Variants in CADM3 observed in about 807,000 individuals in gnomAD.
The protein encoded by CADM3 is cell adhesion molecule 3.
In CADM3, 11 loss-of-function variants were observed where a neutral mutation model predicts 44.9. The ratio of observed to expected loss-of-function variants is 0.25; its 90% CI spans 0.15 to 0.41. The LOEUF is 0.41. CADM3 is among the 10% of genes least tolerant of loss of function. The probability of loss-of-function intolerance (pLI) is 1.00; values close to 1 mark genes in which losing one functional copy is unlikely to be tolerated. For synonymous variants in CADM3, 207 were observed against 205.2 expected (o/e 1.01, Z -0.08); for missense variants, 426 against 512.0 (o/e 0.83, Z 1.62).
In CADM3 at chr1:159,193,966, G is replaced by T; in HGVS notation, c.617G>T (p.Ser206Ile). The T allele has an allele frequency of 1.2e-6, 2 of 1,614,164 alleles. No individual in the cohort carries two copies. Among genetic ancestry groups the T allele is most frequent in the Non-Finnish European group, 1.7e-6 (2 of 1,180,042 alleles). ...FQVTREDDGA[S>I]IVCSVNHESL... is the part of the protein sequence containing the mutation. ...GTTACCCGGGAGGATGATGGGGCGAGCATCGTGTGCTCTGTGAACCATGAA... is the reference window on the plus strand; with the variant it reads ...GTTACCCGGGAGGATGATGGGGCGATCATCGTGTGCTCTGTGAACCATGAA... Residue 206 changes from serine to isoleucine, a missense_variant, in exon 5 of 9, where the codon AGC becomes ATC. Physicochemically the swap from Ser to Ile is moderately radical, Grantham distance 142. Coordinates refer to ENST00000368125, the MANE Select transcript of CADM3 (RefSeq NM_001127173.3).
rs556018084 is a variant in CADM3 at position 159,201,149 on chromosome 1, T to C, written c.*227T>C. On this transcript the variant is annotated 3_prime_UTR_variant, in exon 9 of 9. Transcript: ENST00000368125. ...GGAGGGTTGCCCTCAGCCCTTTCCG[T>C]GGCTTCTCTGCATTTGGGTTATTAT... is the stretch of plus-strand genomic sequence containing the variant. 54 of 289,928 alleles carry C rather than the reference T, an allele frequency of 1.9e-4. 1 individual carries two copies. In the East Asian group the frequency reaches 3.1e-3, roughly 17 times the overall value. The allele number at this position is 289,928 out of a possible 1,614,324, so 18.0% of individuals were successfully genotyped here.
At chr1:159,191,791 TC>T in intron 1 of CADM3, 144 bp from the exon 2 acceptor site, 1 of 860,516 alleles carries the variant, frequency 1.2e-6, no homozygotes, top group Non-Finnish European at 1.8e-6. Flanking sequence ...CTCTTTTCCT[TC>T]CCCCATGAAA....
intron 1 of CADM3, among the ~76,000 whole-genome samples, chr1:159,185,590 T>C (rs577474084): frequency 6.6e-6 from 1 of 152,200 alleles, no homozygotes; most frequent in Non-Finnish European, 1.5e-5. Flanking sequence ...TATTAAAAGG[T>C]TGTTCTGGAA....
intron 5 of CADM3, chr1:159,195,579 A>G (rs1021356768): frequency 3.9e-5 from 6 of 152,278 alleles, no homozygotes; most frequent in Admixed American, 3.3e-4. Context: ...TTCTATGGCC[A>G]TGGGGTCCCA....
chr1:159,179,463 G>T (rs56184975), intron 1 of CADM3, among the ~76,000 whole-genome samples: 9,695 of 152,096 alleles, frequency 0.064, 405 homozygotes, highest in Middle Eastern at 0.1. Context: ...GCTCTAGAGA[G>T]AAAAAAGAAA....
chr1:159,184,254 C>A (rs1299692404), intron 1 of CADM3, among the ~76,000 whole-genome samples: 3 of 152,190 alleles, frequency 2.0e-5, no homozygotes, highest in Non-Finnish European at 4.4e-5. Context: ...AGGAGCCCAG[C>A]AATGGATGTA....
chr1:159,189,494 G>A (rs1312411412), intron 1 of CADM3, among the ~76,000 whole-genome samples: 1 of 152,160 alleles, frequency 6.6e-6, no homozygotes, highest in Non-Finnish European at 1.5e-5. Flanking sequence ...TAGACTGGAT[G>A]AACTCTTAAG....
chr1:159,202,976 T>TA lies in CADM3; in HGVS notation c.*2055dup, dbSNP rs1444509922. On this transcript the variant is annotated 3_prime_UTR_variant, in exon 9 of 9. Transcript: ENST00000368125. ...CCATATTACACAGAAGCCATATTTGTACGGGGGGGTGGGAGGGAGAGGGGC... is the reference window on the plus strand; with the variant it reads ...CCATATTACACAGAAGCCATATTTGTAACGGGGGGGTGGGAGGGAGAGGGGC... 2 of 51,674 alleles carry TA rather than the reference T, an allele frequency of 3.9e-5. No individual in the cohort carries two copies. Among genetic ancestry groups the TA allele is most frequent in the African/African-American group, 1.6e-4 (2 of 12,440 alleles). 3.2% of individuals were successfully genotyped at this position (51,674 alleles called of 1,614,324 possible). A position where few individuals can be genotyped will look rare whatever the true frequency, so the allele number is the denominator to read the frequency against.
rs777170455 is a variant in CADM3, at chr1:159,192,571, TC to T, written c.230-3del. 2.5e-6 allele frequency: 4 copies of T among 1,614,150 alleles called. No homozygotes were observed. The highest frequency in any genetic ancestry group is 3.4e-6 in the Non-Finnish European group (4 of 1,180,018). ...ATCCTAGCTTTCCATTCTCTTGATT[TC>T]CCCAGCCCTTCGAGATAATCGAATT... On this transcript the variant is annotated splice_polypyrimidine_tract_variant and splice_region_variant and intron_variant, in intron 2 of 8. Transcript: ENST00000368125.
intron 1 of CADM3, among the ~76,000 whole-genome samples, chr1:159,186,513 TC>T (rs1649426855): frequency 6.6e-6 from 1 of 152,176 alleles, no homozygotes; most frequent in Non-Finnish European, 1.5e-5. Flanking sequence ...TCCCTTCCAG[TC>T]TGCATTCATT....
chr1:159,188,477 C>A lies in CADM3; in HGVS notation c.89-3459C>A, dbSNP rs548889482. The stretch of plus-strand genomic sequence containing the variant: ...CCCGCGCGCCCTCTCTCGGTCCTAG[C>A]GCCCCTTTCTCCCCTCTCCTCCCCC... On this transcript the variant is annotated intron_variant, in intron 1 of 8. Transcript: ENST00000368125. Among the ~76,000 whole-genome samples, 3 of 152,180 alleles carry A rather than the reference C, an allele frequency of 2.0e-5. No individual in the cohort carries two copies. The South Asian group carries it at 6.2e-4, about 32-fold the overall frequency.
rs200132536 is a variant in CADM3, at chr1:159,193,559, C to T, written c.519C>T (p.His173=). ...GGAGAAAGGGTGACCAAGAACTCCA[C>T]GGTGAGTACCTCCTGCCTTGGGGTT... ...LTWRKGDQEL[H]GEPTRIQEDP... Residue 173 remains histidine (H), a splice_region_variant and synonymous_variant, in exon 4 of 9, where the codon CAC becomes CAT. Transcript: ENST00000368125. The T allele has an allele frequency of 3.3e-5, 53 of 1,614,032 alleles. 1 individual carries two copies. The South Asian group carries it at 3.8e-4, about 12-fold the overall frequency.
rs1159165963 is a variant in CADM3, at chr1:159,199,854, C to T, written c.1056C>T (p.Gly352=). ...TGCTCATCATGCTCATCTTCCTTGG[C>T]CACTACTTGATCCGGCACAAAGGTC... ...FLLLIMLIFL[G]HYLIRHKGTY... Residue 352 remains glycine (G), a synonymous_variant, in exon 8 of 9, where the codon GGC becomes GGT. Coordinates refer to ENST00000368125, the MANE Select transcript of CADM3 (RefSeq NM_001127173.3). 1 of 1,613,820 alleles carries T rather than the reference C, an allele frequency of 6.2e-7. No homozygotes were observed. The highest frequency in any genetic ancestry group is 1.3e-5 in the African/African-American group (1 of 74,846).
chr1:159,196,302 AGT>A (rs1392939714), intron 5 of CADM3, 60 bp from the exon 6 acceptor site: 37 of 1,323,224 alleles, frequency 2.8e-5, no homozygotes, highest in Non-Finnish European at 4.0e-5. Context: ...TGTGCAACTA[AGT>A]GAGGGAATCT....
At chr1:159,173,124 G>A (rs1377882995) in intron 1 of CADM3, among the ~76,000 whole-genome samples, 2 of 151,812 alleles carry the variant, frequency 1.3e-5, no homozygotes, top group African/African-American at 2.4e-5. Context: ...GGCTATGCCC[G>A]GCCAGATGCC....
intron 1 of CADM3, among the ~76,000 whole-genome samples, chr1:159,182,669 TAG>T (rs1010592507): frequency 4.6e-5 from 7 of 152,140 alleles, no homozygotes; most frequent in African/African-American, 1.7e-4. Flanking sequence ...ACTTGGACAA[TAG>T]AGAGTCAGAA....
chr1:159,173,796 C>T (rs1351571378), intron 1 of CADM3, among the ~76,000 whole-genome samples: 2 of 152,112 alleles, frequency 1.3e-5, no homozygotes, highest in East Asian at 1.9e-4. Context: ...GAGAGAAAGA[C>T]GTCATCCAGA....
At position 159,192,084 on chromosome 1, in the gene CADM3, C is replaced by G; in HGVS notation, c.229+8C>G. On this transcript the variant is annotated splice_region_variant and intron_variant, in intron 2 of 8. Coordinates refer to ENST00000368125, the MANE Select transcript of CADM3 (RefSeq NM_001127173.3). ...ACTTTGGGGAGAAGAGAGGTAGTAT[C>G]TCATGAGTTATCTTTCTCCGTGAAA... is the stretch of plus-strand genomic sequence containing the variant. The G allele has an allele frequency of 6.2e-7, 1 of 1,613,508 alleles. No homozygotes were observed.
intron 1 of CADM3, among the ~76,000 whole-genome samples, chr1:159,190,618 G>A (rs1430697696): frequency 6.6e-6 from 1 of 152,120 alleles, no homozygotes; most frequent in Non-Finnish European, 1.5e-5. Context: ...CTGAACAGTC[G>A]ATGCTATCAG....
Sources: gnomAD v4.1 joint callset for allele counts (sites outside exome capture counted in the v4.1 genomes callset) on GRCh38, gnomAD v4.1.1 for gene constraint, MANE v1.5 for transcripts, NCBI Gene and HGNC (gene_info 2026-07-23, HGNC 2026-07-21) for gene names.